GALNT18: variants seen among roughly 807,000 people sequenced by gnomAD.
The protein encoded by GALNT18 is polypeptide N-acetylgalactosaminyltransferase 18, also known as GalNAc-transferase 18.
Under a neutral mutation model 69.5 loss-of-function variants are expected in GALNT18, and 44 were observed. The observed-to-expected ratio is 0.63, with a 90% CI of 0.50 to 0.81. The LOEUF (loss-of-function observed/expected upper bound fraction) is 0.81. GALNT18 is among the 40% of genes least tolerant of loss of function. The pLI, the probability that GALNT18 is intolerant of heterozygous loss-of-function variation, is 0.00. For synonymous variants in GALNT18, 364 were observed against 318.2 expected (o/e 1.14, Z -1.53); for missense variants, 715 against 810.0 (o/e 0.88, Z 1.42).
In GALNT18 at chr11:11,459,704, G is replaced by A. The variant is rs895664557; in HGVS notation, c.236-10768C>T. On this transcript the variant is annotated intron_variant, in intron 1 of 10. Transcript: ENST00000227756. The surrounding 1 kb of genome is among the most constrained non-coding windows in gnomAD (Gnocchi z 5.0). ...TAAGCTTGTTGCAAAGATTAAGTGA[G>A]ATGATGGACACCCCGAAAGTGCTTA... Among the ~76,000 whole-genome samples, 1 of 152,234 alleles carries A rather than the reference G, an allele frequency of 6.6e-6. No homozygotes were observed. The highest frequency in any genetic ancestry group is 1.5e-5 in the Non-Finnish European group (1 of 68,048).
In GALNT18 at chr11:11,555,705, C is replaced by G. The variant is rs914052276; in HGVS notation, c.235+65654G>C. 2.0e-5 allele frequency among the ~76,000 whole-genome samples: 3 copies of G among 152,172 alleles called. No homozygotes were observed. Among genetic ancestry groups the G allele is most frequent in the African/African-American group, 7.2e-5 (3 of 41,452 alleles). ...CATTACCAGGGAAGCAAGTAATGGT[C>G]AAGCCTTCCTGCAAGGGTGCACCTC... On this transcript the variant is annotated intron_variant, in intron 1 of 10. Coordinates refer to ENST00000227756, the MANE Select transcript of GALNT18 (RefSeq NM_198516.3). The surrounding 1 kb of genome is among the most constrained non-coding windows in gnomAD (Gnocchi z 4.7).
intron 1 of GALNT18, among the ~76,000 whole-genome samples, chr11:11,493,773 G>A (rs928871843): frequency 1.3e-5 from 2 of 152,136 alleles, no homozygotes; most frequent in Admixed American, 6.5e-5. Context: ...ACTTCAGAAC[G>A]GAGATTTATT....
chr11:11,468,654 A>T (rs72863064), intron 1 of GALNT18, among the ~76,000 whole-genome samples: 38,195 of 151,672 alleles, frequency 0.25, 4,791 homozygotes, highest in Middle Eastern at 0.37. Context: ...GATCTCAGGG[A>T]CTCTTCATTG....
At chr11:11,424,559 G>A (rs1013607798) in intron 3 of GALNT18, among the ~76,000 whole-genome samples, 4 of 152,114 alleles carry the variant, frequency 2.6e-5, no homozygotes, top group Non-Finnish European at 5.9e-5. Flanking sequence ...TACGATGAGC[G>A]GCACACTGGG....
intron 9 of GALNT18, among the ~76,000 whole-genome samples, chr11:11,316,186 C>A (rs7105266): frequency 6.6e-6 from 1 of 152,170 alleles, no homozygotes; most frequent in Non-Finnish European, 1.5e-5. Context: ...TGAAACCACA[C>A]GCCACGGAGT....
rs1389510254 is a variant in GALNT18 at position 11,618,633 on chromosome 11, C to T, written c.235+2726G>A. ...GACTTCTGAAGCCACACTAGCTGAGCTTACATCCCTATACTATCATATACC... is the reference window on the plus strand; with the variant it reads ...GACTTCTGAAGCCACACTAGCTGAGTTTACATCCCTATACTATCATATACC... On this transcript the variant is annotated intron_variant, in intron 1 of 10. Transcript: ENST00000227756. The surrounding 1 kb of genome is among the most constrained non-coding windows in gnomAD (Gnocchi z 6.1). 1.3e-5 allele frequency among the ~76,000 whole-genome samples: 2 copies of T among 152,200 alleles called. No homozygotes were observed. The highest frequency in any genetic ancestry group is 1.3e-4 in the Admixed American group (2 of 15,284).
At chr11:11,544,094 G>A (rs951146294) in intron 1 of GALNT18, among the ~76,000 whole-genome samples, 2 of 152,246 alleles carry the variant, frequency 1.3e-5, no homozygotes, top group African/African-American at 4.8e-5. Flanking sequence ...ACCAATGGCA[G>A]ATGGGTCTAG....
At position 11,415,962 on chromosome 11, in the gene GALNT18, T is replaced by C. The variant is rs1373933222; in HGVS notation, c.595+16659A>G. On this transcript the variant is annotated intron_variant, in intron 3 of 10. Transcript: ENST00000227756. This position sits in a 1 kb window ranked among gnomAD's most constrained non-coding sequence, Gnocchi z 4.1. ...GATTAAACAGCAACCTTGAATGTTC[T>C]TTTCGGAGAAAATAAAATCACTTCA... Among the ~76,000 whole-genome samples, 1 of 152,246 alleles carries C rather than the reference T, an allele frequency of 6.6e-6. No homozygotes were observed. Among genetic ancestry groups the C allele is most frequent in the Non-Finnish European group, 1.5e-5 (1 of 68,048 alleles).
intron 9 of GALNT18, among the ~76,000 whole-genome samples, chr11:11,316,758 T>TTCC (rs960014449): frequency 6.6e-6 from 1 of 152,256 alleles, no homozygotes; most frequent in Non-Finnish European, 1.5e-5. Flanking sequence ...CCTGGTTTTA[T>TTCC]TCCTGCTCTC....
chr11:11,457,792 G>C (rs1855956468), intron 1 of GALNT18, among the ~76,000 whole-genome samples: 1 of 152,236 alleles, frequency 6.6e-6, no homozygotes. Flanking sequence ...CTCAGGCAGA[G>C]GGGATCACTG....
At chr11:11,420,551 A>G (rs937123231) in intron 3 of GALNT18, among the ~76,000 whole-genome samples, 1 of 152,184 alleles carries the variant, frequency 6.6e-6, no homozygotes, top group Non-Finnish European at 1.5e-5. Flanking sequence ...GTCAGTAGGG[A>G]GCATTTGATT....
intron 1 of GALNT18, among the ~76,000 whole-genome samples, chr11:11,455,530 C>T (rs767973936): frequency 7.2e-5 from 11 of 152,134 alleles, no homozygotes; most frequent in Non-Finnish European, 1.3e-4. Context: ...CCAAGAAGAA[C>T]CAGGATGCAG....
At chr11:11,364,197 A>G (rs902869416) in intron 6 of GALNT18, among the ~76,000 whole-genome samples, 3 of 152,236 alleles carry the variant, frequency 2.0e-5, no homozygotes, top group East Asian at 1.9e-4. Flanking sequence ...ATGTCTCTAC[A>G]AGAAGTATTT....
intron 1 of GALNT18, among the ~76,000 whole-genome samples, chr11:11,534,112 G>A (rs931178563): frequency 1.3e-5 from 2 of 152,234 alleles, no homozygotes; most frequent in African/African-American, 4.8e-5. Context: ...CAAGGTCATG[G>A]AAAGTGATGA....
At chr11:11,535,782 G>A (rs1462242148) in intron 1 of GALNT18, among the ~76,000 whole-genome samples, 1 of 152,176 alleles carries the variant, frequency 6.6e-6, no homozygotes, top group East Asian at 1.9e-4. Context: ...TGCATTTCCT[G>A]CCAGGCTCCC....
At chr11:11,579,336 C>A (rs866192870) in intron 1 of GALNT18, among the ~76,000 whole-genome samples, 1 of 152,190 alleles carries the variant, frequency 6.6e-6, no homozygotes, top group African/African-American at 2.4e-5. Flanking sequence ...TAGAAGATGA[C>A]AGACAGCAGG....
Position 11,387,356 on chromosome 11 carries a change from G to T in GALNT18, c.596-8092C>A, listed in dbSNP as rs774678303. 6.6e-6 allele frequency among the ~76,000 whole-genome samples: 1 copy of T among 151,932 alleles called. No individual in the cohort carries two copies. Among genetic ancestry groups the T allele is most frequent in the Admixed American group, 6.6e-5 (1 of 15,254 alleles). On this transcript the variant is annotated intron_variant, in intron 3 of 10. Transcript: ENST00000227756. The surrounding 1 kb of genome is among the most constrained non-coding windows in gnomAD (Gnocchi z 4.6). ...ATTGTGGCCACACCCCTCCTTCCTG[G>T]CTCAATGCTGCTCCTCAAAGCCCGG...
rs11021865 is a variant in GALNT18 at position 11,469,217 on chromosome 11, G to T, written c.236-20281C>A. Among the ~76,000 whole-genome samples, 14,856 of 152,218 alleles carry T rather than the reference G, an allele frequency of 0.098. 763 individuals are homozygous for T. The highest frequency in any genetic ancestry group is 0.17 in the East Asian group (904 of 5,188). On this transcript the variant is annotated intron_variant, in intron 1 of 10. Coordinates refer to ENST00000227756, the MANE Select transcript of GALNT18 (RefSeq NM_198516.3). This position sits in a 1 kb window ranked among gnomAD's most constrained non-coding sequence, Gnocchi z 4.2. Reference sequence around the variant, plus strand: ...AGCCCGTCTGCTTTCTTGCCTCTGTGAATGTCTCAGACAGTGCAGAACTAA... The same window carrying T: ...AGCCCGTCTGCTTTCTTGCCTCTGTTAATGTCTCAGACAGTGCAGAACTAA...
At chr11:11,498,597 G>A (rs550912519) in intron 1 of GALNT18, among the ~76,000 whole-genome samples, 1 of 152,302 alleles carries the variant, frequency 6.6e-6, no homozygotes, top group African/African-American at 2.4e-5. Flanking sequence ...TCAGGAGTTC[G>A]CAACCAGCCT....
Sources: gnomAD v4.1 joint callset for allele counts (sites outside exome capture counted in the v4.1 genomes callset) on GRCh38, gnomAD v4.1.1 for gene constraint, Gnocchi (gnomAD v3.1) non-coding constraint, MANE v1.5 for transcripts, NCBI Gene and HGNC (gene_info 2026-07-23, HGNC 2026-07-21) for gene names.